The following PABPC4 variants were observed in gnomAD, a reference collection of about 807,000 sequenced individuals.
The protein encoded by PABPC4 is poly(A) binding protein cytoplasmic 4, also known as polyadenylate-binding protein 4.
Under a neutral mutation model 74.5 loss-of-function variants are expected in PABPC4, and 15 were observed. That is an observed-to-expected ratio of 0.20 (90% CI 0.13 to 0.31). The LOEUF (loss-of-function observed/expected upper bound fraction) is 0.31. Among genes scored for constraint, PABPC4 ranks in the 10% least tolerant of loss-of-function variants. The pLI, the probability that PABPC4 is intolerant of heterozygous loss-of-function variation, is 1.00. For missense variants in PABPC4, 610 were observed against 853.5 expected (o/e 0.71, Z 3.55); for synonymous variants, 345 against 303.0 (o/e 1.14, Z -1.44).
chr1:39,574,347 C>G (rs1462364946), intron 1 of PABPC4, among the ~76,000 whole-genome samples: 1 of 152,248 alleles, frequency 6.6e-6, no homozygotes, highest in Non-Finnish European at 1.5e-5. Context: ...AGCTCCTCGT[C>G]TATTTCCAGA....
At chr1:39,569,497 C>T in intron 5 of PABPC4, 98 bp downstream of exon 5, 3 of 829,668 alleles carry the variant, frequency 3.6e-6, no homozygotes, top group Non-Finnish European at 2.1e-6. Context: ...CTACCAGATA[C>T]TCAGACCGTC....
chr1:39,565,473 G>A (rs1645822709), intron 7 of PABPC4, 95 bp from the exon 8 acceptor site: 1 of 1,316,960 alleles, frequency 7.6e-7, no homozygotes. Context: ...AGGCTGAGGT[G>A]GGAGGGCTGC....
At chr1:39,564,914 G>A (rs949808684) in intron 8 of PABPC4, 141 bp from the exon 9 acceptor site, 2 of 869,782 alleles carry the variant, frequency 2.3e-6, no homozygotes, top group Admixed American at 2.4e-5. Context: ...GTCAGCTAAT[G>A]GGGACTGTTT....
chr1:39,563,562 T>G, intron 12 of PABPC4, 52 bp downstream of exon 12: 2 of 1,586,386 alleles, frequency 1.3e-6, no homozygotes, highest in South Asian at 2.3e-5. Context: ...TTCTTTTACA[T>G]CAAGTGGAAA....
chr1:39,567,956 T>C, intron 6 of PABPC4, 110 bp from the exon 7 acceptor site: 1 of 645,824 alleles, frequency 1.5e-6, no homozygotes, highest in Non-Finnish European at 2.7e-6. Context: ...CTTTGGGAAC[T>C]TGTTAGAAAT....
At chr1:39,575,650 G>A (rs1646014044) in intron 1 of PABPC4, 109 bp downstream of exon 1, 3 of 849,320 alleles carry the variant, frequency 3.5e-6, no homozygotes, top group South Asian at 2.0e-5. Flanking sequence ...CAGCTTCGGT[G>A]GCAACATGCT....
intron 6 of PABPC4, 69 bp downstream of exon 6, chr1:39,568,733 A>G (rs1218200143): frequency 6.9e-7 from 1 of 1,455,086 alleles, no homozygotes; most frequent in Non-Finnish European, 9.4e-7. Context: ...AAAGCCCGCT[A>G]AACATAGGGG....
In PABPC4 at chr1:39,564,766, C is replaced by T. The variant is rs1645811121; in HGVS notation, c.1253G>A (p.Gly418Glu). ...YFVPAVPQAQ[G>E]RPPYYTPNQL... The stretch of plus-strand genomic sequence containing the variant: ...GTTAGGTGTATAATATGGAGGCCTT[C>T]CCTGAGCCTGTAAGACAGAAGAATA... The change falls in exon 9 of 16, where the codon GGA becomes GAA. Residue 418 changes from glycine to glutamate, a missense_variant. Gly to Glu is a moderately conservative substitution (Grantham distance 98, BLOSUM62 -2). Transcript: ENST00000372858. 1 of 1,613,370 alleles carries T rather than the reference C, an allele frequency of 6.2e-7. No individual in the cohort carries two copies. The highest frequency in any genetic ancestry group is 8.5e-7 in the Non-Finnish European group (1 of 1,179,412).
intron 7 of PABPC4, 117 bp downstream of exon 7, chr1:39,567,634 G>C (rs933140972): frequency 1.4e-6 from 1 of 712,180 alleles, no homozygotes. Context: ...CTAGAAAAAC[G>C]TAGTAGCTAC....
intron 9 of PABPC4, 37 bp from the exon 10 acceptor site, chr1:39,564,579 A>T: frequency 6.2e-7 from 1 of 1,613,528 alleles, no homozygotes; most frequent in Non-Finnish European, 8.5e-7. Flanking sequence ...TTGAGAAGTG[A>T]TGTGGACCAG....
At position 39,561,791 on chromosome 1, in the gene PABPC4, C is replaced by G; in HGVS notation, c.1894-4G>C. ...GAACTGCTACAGCTTCATCCACCTG[C>G]GAGAAATCTTCAGGTGGTCAGTGAA... On this transcript the variant is annotated splice_polypyrimidine_tract_variant and splice_region_variant and intron_variant, in intron 14 of 15. Coordinates refer to ENST00000372858, the MANE Select transcript of PABPC4 (RefSeq NM_001135653.2). The G allele has an allele frequency of 1.2e-6, 2 of 1,612,468 alleles. No homozygotes were observed. The highest frequency in any genetic ancestry group is 1.3e-5 in the African/African-American group (1 of 75,000).
intron 5 of PABPC4, 120 bp downstream of exon 5, chr1:39,569,475 A>G: frequency 2.7e-6 from 2 of 729,380 alleles, no homozygotes; most frequent in Non-Finnish European, 2.5e-6. Flanking sequence ...GAGTATAGTA[A>G]TGGTACATCT....
Position 39,575,857 on chromosome 1 carries a change from C to A in PABPC4, c.95G>T (p.Ser32Ile). 1 of 1,612,724 alleles carries A rather than the reference C, an allele frequency of 6.2e-7. No individual in the cohort carries two copies. Among genetic ancestry groups the A allele is most frequent in the Non-Finnish European group, 8.5e-7 (1 of 1,179,728 alleles). The stretch of plus-strand genomic sequence containing the variant: ...GATGGACAGCACAGGCCCCGCGGGG[C>A]TGAACTTTTCGTACAGCATGGCCTC... ...VTEAMLYEKFSPAGPVLSIRV... is the reference protein window; with the variant it reads ...VTEAMLYEKFIPAGPVLSIRV... Residue 32 changes from serine to isoleucine, a missense_variant, in exon 1 of 16, where the codon AGC becomes ATC. Transcript: ENST00000372858.
chr1:39,571,052 T>C, intron 3 of PABPC4, 182 bp downstream of exon 3: 2 of 1,479,936 alleles, frequency 1.4e-6, no homozygotes, highest in Non-Finnish European at 1.8e-6. Context: ...GAAGCCCACC[T>C]TGGCGAGTCA....
intron 15 of PABPC4, 40 bp downstream of exon 15, chr1:39,561,645 C>T (rs1232537183): frequency 5.0e-6 from 7 of 1,390,768 alleles, no homozygotes; most frequent in Non-Finnish European, 7.1e-6. Context: ...CTCATAGGAA[C>T]AATGCTCATA....
intron 1 of PABPC4, chr1:39,573,294 T>C (rs1645969413): frequency 6.6e-6 from 1 of 152,140 alleles, no homozygotes; most frequent in Admixed American, 6.6e-5. Context: ...TGATCACACA[T>C]GGAAAAGTTC....
intron 2 of PABPC4, among the ~76,000 whole-genome samples, chr1:39,572,041 A>G (rs773101296): frequency 4.6e-5 from 7 of 152,266 alleles, no homozygotes; most frequent in African/African-American, 1.7e-4. Flanking sequence ...ACAGATACGT[A>G]GAAGGAATAG....
intron 2 of PABPC4, 33 bp downstream of exon 2, chr1:39,572,360 T>C (rs761634326): frequency 6.9e-7 from 1 of 1,453,324 alleles, no homozygotes; most frequent in Non-Finnish European, 9.6e-7. Flanking sequence ...AATCAATTAA[T>C]TATTCTGCTA....
At position 39,576,002 on chromosome 1, in the gene PABPC4, C is replaced by T; in HGVS notation, c.-51G>A. On this transcript the variant is annotated 5_prime_UTR_variant, in exon 1 of 16. Transcript: ENST00000372858. The stretch of plus-strand genomic sequence containing the variant: ...CCCGCCAGGAGGACTTCTTATCGGG[C>T]CCGCCGCAGGACAAAGGGGCGCCTT... The T allele has an allele frequency of 7.6e-7, 1 of 1,311,094 alleles. No homozygotes were observed. The highest frequency in any genetic ancestry group is 1.0e-6 in the Non-Finnish European group (1 of 983,538). The allele number at this position is 1,311,094 out of a possible 1,614,324, so 81.2% of individuals were successfully genotyped here.
Sources: allele counts gnomAD v4.1 joint callset (sites outside exome capture counted in the v4.1 genomes callset), GRCh38; gene constraint gnomAD v4.1.1; transcripts MANE v1.5; gene names NCBI Gene and HGNC (gene_info 2026-07-23, HGNC 2026-07-21).